Variants in DNAAF8 observed in about 807,000 individuals in gnomAD.
The protein encoded by DNAAF8 is dynein axonemal assembly factor 8.
DNAAF8 carries 61 observed loss-of-function variants against 54.6 expected under a neutral mutation model. The observed-to-expected ratio is 1.12, with a 90% CI of 0.91 to 1.38. The LOEUF (loss-of-function observed/expected upper bound fraction) is 1.38. DNAAF8 is among the 40% of genes most tolerant of loss of function. The pLI is 0.00. For missense variants in DNAAF8, 837 were observed against 665.0 expected, an observed-to-expected ratio of 1.26 and a Z score of -2.85; for synonymous variants, 320 against 270.1, an observed-to-expected ratio of 1.18 and a Z score of -1.81.
At position 4,749,198 on chromosome 16, in the gene DNAAF8, G is replaced by C. The variant is rs1323428936; in HGVS notation, c.*483G>C. The C allele has an allele frequency of 2.6e-5, 4 of 154,526 alleles. No individual in the cohort carries two copies. Among genetic ancestry groups the C allele is most frequent in the African/African-American group, 7.2e-5 (3 of 41,544 alleles). The allele number at this position is 154,526 out of a possible 1,614,324, so 9.6% of individuals were successfully genotyped here. On this transcript the variant is annotated 3_prime_UTR_variant, in exon 10 of 10. Transcript: ENST00000299320. ...CCCTGCCCCCTCCACTCCGGGGCCT[G>C]TGCCGCCAGAACCGGGCTCTGCCCC...
chr16:4,745,314 G>A (rs914115385), intron 6 of DNAAF8, among the ~76,000 whole-genome samples: 3 of 152,194 alleles, frequency 2.0e-5, no homozygotes, highest in Non-Finnish European at 4.4e-5. Context: ...GCCTCCCTGA[G>A]AGTAGGAAGG....
Position 4,743,061 on chromosome 16 carries a change from T to G in DNAAF8, c.802T>G (p.Leu268Val), listed in dbSNP as rs2081973487. 4.3e-6 allele frequency: 7 copies of G among 1,610,914 alleles called. No individual in the cohort carries two copies. Among genetic ancestry groups the G allele is most frequent in the Non-Finnish European group, 5.9e-6 (7 of 1,178,016 alleles). Reference protein sequence around the residue: ...LSLQQLEAWDLDDILQSLAGQ... With the variant: ...LSLQQLEAWDVDDILQSLAGQ... The stretch of plus-strand genomic sequence containing the variant: ...ATTTCAGCAACTTGAAGCGTGGGAT[T>G]TGGATGACATCCTTCAGAGTCTGGC... The change falls in exon 5 of 10, where the codon TTG (leucine) becomes GTG (valine). Residue 268 changes from leucine (L) to valine (V), a missense_variant. Physicochemically the swap from Leu to Val is conservative, Grantham distance 32. Transcript: ENST00000299320.
chr16:4,736,577 G>A lies in DNAAF8; in HGVS notation c.63G>A (p.Gly21=), dbSNP rs2081904276. The A allele has an allele frequency of 1.3e-6, 2 of 1,591,112 alleles. No individual in the cohort carries two copies. Among genetic ancestry groups the A allele is most frequent in the Non-Finnish European group, 1.7e-6 (2 of 1,165,598 alleles). The change falls in exon 2 of 10, where the codon GGG becomes GGA. Residue 21 remains glycine, a synonymous_variant. Coordinates refer to ENST00000299320, the MANE Select transcript of DNAAF8 (RefSeq NM_139170.3). ...GCTCTCCCTGGGCCTCCCAGATGGG[G>A]CCCTGGGATGCCATCCTCAAGGCTG... ...SLGSPWASQM[G]PWDAILKAVK... is the part of the protein sequence containing the mutation.
chr16:4,748,042 AG>A (rs771770484), intron 9 of DNAAF8, among the ~76,000 whole-genome samples: 4 of 152,266 alleles, frequency 2.6e-5, no homozygotes, highest in Non-Finnish European at 5.9e-5. Flanking sequence ...AGAGGATTTT[AG>A]GGTTGAAAGA....
intron 4 of DNAAF8, 117 bp from the exon 5 acceptor site, chr16:4,742,926 G>C (rs1305577398): frequency 2.3e-6 from 2 of 864,434 alleles, no homozygotes; most frequent in Non-Finnish European, 1.9e-6. Context: ...CTGAATTCCT[G>C]ATTTCTACCC....
chr16:4,745,158 C>A (rs2081998789), intron 6 of DNAAF8, 147 bp downstream of exon 6: 1 of 1,108,868 alleles, frequency 9.0e-7, no homozygotes, highest in Admixed American at 2.7e-5. Flanking sequence ...TCGCTCCAGT[C>A]ATCCCCATTT....
rs1347947506 is a variant in DNAAF8, at chr16:4,746,393, G to A, written c.1062G>A (p.Gln354=). The A allele has an allele frequency of 6.2e-7, 1 of 1,612,468 alleles. No individual in the cohort carries two copies. The highest frequency in any genetic ancestry group is 1.3e-5 in the African/African-American group (1 of 74,838). The change falls in exon 7 of 10, where the codon CAG becomes CAA. Residue 354 remains glutamine (Q), a synonymous_variant. Transcript: ENST00000299320. The stretch of plus-strand genomic sequence containing the variant: ...ATTTCAGATGTGCCTCAAGGAAGCA[G>A]GGCTCCCAGGCTGGGCCAGGCCCGC... The part of the protein sequence containing the change: ...DSGSRCASRK[Q]GSQAGPGPQL...
intron 3 of DNAAF8, among the ~76,000 whole-genome samples, chr16:4,739,398 A>G (rs948539775): frequency 5.3e-5 from 8 of 149,650 alleles, no homozygotes; most frequent in African/African-American, 2.0e-4. Flanking sequence ...TTGGGGTATG[A>G]ATTTCTGAGC....
At chr16:4,736,992 C>A (rs859313) in intron 2 of DNAAF8, among the ~76,000 whole-genome samples, 1 of 151,882 alleles carries the variant, frequency 6.6e-6, no homozygotes, top group Non-Finnish European at 1.5e-5. Context: ...TCTCTCGTGC[C>A]AGGACAGGGC....
Position 4,747,353 on chromosome 16 carries a change from G to A in DNAAF8, c.1291G>A (p.Gly431Arg), listed in dbSNP as rs373473822. Reference sequence around the variant, plus strand: ...CTCATTGTGTCACAGGACCTGTACCGGGAAAAGCCAGCTTCTCCAGCAGCT... The same window carrying A: ...CTCATTGTGTCACAGGACCTGTACCAGGAAAAGCCAGCTTCTCCAGCAGCT... ...PSSLGLRTCT[G>R]KSQLLQQLRA... Residue 431 changes from glycine to arginine, a missense_variant, in exon 9 of 10, where the codon GGG becomes AGG. Transcript: ENST00000299320. The A allele has an allele frequency of 3.0e-5, 48 of 1,581,880 alleles. No individual in the cohort carries two copies. The highest frequency in any genetic ancestry group is 1.6e-4 in the South Asian group (14 of 87,750).
intron 4 of DNAAF8, 80 bp downstream of exon 4, chr16:4,740,739 A>G (rs369294293): frequency 1.4e-6 from 2 of 1,448,640 alleles, no homozygotes; most frequent in East Asian, 2.3e-5. Flanking sequence ...CTGGAGCTAG[A>G]AGCAGCTTGA....
At chr16:4,747,685 T>C in intron 9 of DNAAF8, 51 bp downstream of exon 9, 7 of 1,509,970 alleles carry the variant, frequency 4.6e-6, no homozygotes, top group Non-Finnish European at 6.2e-6. Flanking sequence ...CCATGGACCC[T>C]GGGCCCCGGT....
chr16:4,746,855 C>T, intron 7 of DNAAF8, 72 bp from the exon 8 acceptor site: 3 of 1,379,614 alleles, frequency 2.2e-6, no homozygotes, highest in Non-Finnish European at 2.9e-6. Context: ...AGCCCGAGTG[C>T]TTCAAGCCCC....
Position 4,740,349 on chromosome 16 carries a change from C to G in DNAAF8, c.473C>G (p.Thr158Ser). The G allele has an allele frequency of 1.9e-6, 3 of 1,613,806 alleles. No individual in the cohort carries two copies. Among genetic ancestry groups the G allele is most frequent in the Non-Finnish European group, 2.5e-6 (3 of 1,179,868 alleles). The change falls in exon 4 of 10, where the codon ACC becomes AGC. Residue 158 changes from threonine (T) to serine (S), a missense_variant. By Grantham distance (58) the Thr-to-Ser change is moderately conservative (BLOSUM62 1). Coordinates refer to ENST00000299320, the MANE Select transcript of DNAAF8 (RefSeq NM_139170.3). ...EGDLGSLSFN[T>S]KGSQGPPWDP... ...GACCTTGGAAGCCTGTCTTTCAACA[C>G]CAAAGGATCCCAGGGTCCTCCCTGG... is the stretch of plus-strand genomic sequence containing the variant.
At chr16:4,735,651 A>C (rs1272561193) in intron 1 of DNAAF8, among the ~76,000 whole-genome samples, 3 of 152,016 alleles carry the variant, frequency 2.0e-5, no homozygotes, top group Admixed American at 6.6e-5. Context: ...AAAAAAAAAA[A>C]ATCACTTAGT....
chr16:4,738,422 T>C (rs1220395189), intron 3 of DNAAF8, among the ~76,000 whole-genome samples: 1 of 152,178 alleles, frequency 6.6e-6, no homozygotes, highest in Non-Finnish European at 1.5e-5. Flanking sequence ...GGCCCATCAG[T>C]GCCTGAGCAA....
chr16:4,747,063 C>A, intron 8 of DNAAF8, 38 bp downstream of exon 8: 2 of 1,484,614 alleles, frequency 1.3e-6, no homozygotes, highest in South Asian at 1.3e-5. Flanking sequence ...TGCAGATGTC[C>A]CACCTCTGCT....
chr16:4,738,754 G>A (rs1482947767), intron 3 of DNAAF8, among the ~76,000 whole-genome samples: 4 of 152,094 alleles, frequency 2.6e-5, no homozygotes, highest in Non-Finnish European at 4.4e-5. Flanking sequence ...ATGGTGGCAG[G>A]TGCCTGTAAT....
At chr16:4,737,209 G>C (rs1390565161) in intron 2 of DNAAF8, among the ~76,000 whole-genome samples, 1 of 152,108 alleles carries the variant, frequency 6.6e-6, no homozygotes, top group East Asian at 1.9e-4. Context: ...GACAGTATGA[G>C]GGTTTTAAAA....
Sources: gnomAD v4.1 joint callset for allele counts (sites outside exome capture counted in the v4.1 genomes callset) on GRCh38, gnomAD v4.1.1 for gene constraint, MANE v1.5 for transcripts, NCBI Gene and HGNC (gene_info 2026-07-23, HGNC 2026-07-21) for gene names.